The following IFT25 variants were observed in gnomAD, a reference collection of about 807,000 sequenced individuals.
The protein encoded by IFT25 is intraflagellar transport 25, also known as intraflagellar transport protein 25 homolog.
the IFT25 span, among the ~76,000 whole-genome samples, chr1:53,927,483 C>T: frequency 2.6e-5 from 4 of 152,220 alleles, no homozygotes; most frequent in Non-Finnish European, 5.9e-5. Flanking sequence ...TCACTCCCTA[C>T]TATATCTGGT....
At chr1:53,932,428 T>G in the IFT25 span, among the ~76,000 whole-genome samples, 1 of 152,222 alleles carries the variant, frequency 6.6e-6, no homozygotes, top group African/African-American at 2.4e-5. Context: ...TTCTAAGTTT[T>G]GGGGGGTTTT....
At chr1:53,924,180 G>A in the IFT25 span, among the ~76,000 whole-genome samples, 1 of 152,050 alleles carries the variant, frequency 6.6e-6, no homozygotes, top group Non-Finnish European at 1.5e-5. Flanking sequence ...AAAAGGAAAT[G>A]CAAAGGTCAA....
the IFT25 span, among the ~76,000 whole-genome samples, chr1:53,919,668 A>AT: frequency 6.6e-6 from 1 of 152,226 alleles, no homozygotes; most frequent in South Asian, 2.1e-4. Flanking sequence ...TGGTTAATCC[A>AT]TTTTTAATAA....
At chr1:53,919,305 A>T in the IFT25 span, among the ~76,000 whole-genome samples, 1 of 152,266 alleles carries the variant, frequency 6.6e-6, no homozygotes, top group South Asian at 2.1e-4. Context: ...GAAGAAAAAG[A>T]AAACTTTGCA....
the IFT25 span, among the ~76,000 whole-genome samples, chr1:53,945,035 C>G: frequency 2.6e-5 from 4 of 152,148 alleles, no homozygotes; most frequent in African/African-American, 9.7e-5. Flanking sequence ...CGGACCCGGC[C>G]TAAGGCTTCT....
the IFT25 span, among the ~76,000 whole-genome samples, chr1:53,913,504 T>A: frequency 3.9e-5 from 6 of 151,922 alleles, no homozygotes; most frequent in African/African-American, 1.5e-4. Flanking sequence ...GGATGAGGAG[T>A]CAGGTGGCGC....
the IFT25 span, among the ~76,000 whole-genome samples, chr1:53,935,933 T>A: frequency 6.6e-6 from 1 of 152,126 alleles, no homozygotes; most frequent in Non-Finnish European, 1.5e-5. Flanking sequence ...ACATAACCAA[T>A]AGAATAACAT....
At chr1:53,940,374 T>C in the IFT25 span, among the ~76,000 whole-genome samples, 1 of 151,888 alleles carries the variant, frequency 6.6e-6, no homozygotes, top group African/African-American at 2.4e-5. Flanking sequence ...AGGAAGAAGG[T>C]CAACCGAGGA....
chr1:53,930,015 A>T, the IFT25 span: 1 of 1,537,114 alleles, frequency 6.5e-7, no homozygotes, highest in Non-Finnish European at 8.7e-7. Context: ...AAAAAAAAAA[A>T]AAATTAATGT....
At chr1:53,937,651 C>T in the IFT25 span, among the ~76,000 whole-genome samples, 1 of 152,274 alleles carries the variant, frequency 6.6e-6, no homozygotes, top group South Asian at 2.1e-4. Flanking sequence ...TCTTAATGTT[C>T]TATAAACATA....
chr1:53,912,718 G>C, the IFT25 span, among the ~76,000 whole-genome samples: 2 of 152,192 alleles, frequency 1.3e-5, no homozygotes, highest in Non-Finnish European at 1.5e-5. Flanking sequence ...AGAGGTTTGG[G>C]TTCAATTCCA....
At chr1:53,931,456 A>G in the IFT25 span, among the ~76,000 whole-genome samples, 3 of 152,212 alleles carry the variant, frequency 2.0e-5, no homozygotes, top group African/African-American at 4.8e-5. Flanking sequence ...CTCATAAAAC[A>G]ATTTGGGAAA....
At chr1:53,926,316 A>G in the IFT25 span, among the ~76,000 whole-genome samples, 2 of 151,826 alleles carry the variant, frequency 1.3e-5, no homozygotes, top group African/African-American at 4.8e-5. Context: ...TAGCAAATAT[A>G]TATGTATATT....
the IFT25 span, among the ~76,000 whole-genome samples, chr1:53,944,778 T>G: frequency 6.6e-6 from 1 of 151,246 alleles, no homozygotes; most frequent in African/African-American, 2.5e-5. Context: ...TTACAATCCC[T>G]GACCCTGGTA....
chr1:53,918,031 T>C, the IFT25 span, among the ~76,000 whole-genome samples: 84 of 152,264 alleles, frequency 5.5e-4, no homozygotes, highest in African/African-American at 2.0e-3. Flanking sequence ...CATTCTAGAC[T>C]TGTCTATCAG....
chr1:53,937,804 C>T, the IFT25 span, among the ~76,000 whole-genome samples: 2 of 152,184 alleles, frequency 1.3e-5, no homozygotes. Context: ...TAAGGCAAAT[C>T]TCCTCAGTTC....
the IFT25 span, among the ~76,000 whole-genome samples, chr1:53,931,964 CA>C: frequency 1.3e-5 from 2 of 152,054 alleles, no homozygotes; most frequent in Admixed American, 6.5e-5. Context: ...TCCTTTTTAA[CA>C]TAAGTATATA....
chr1:53,917,378 T>C, the IFT25 span, among the ~76,000 whole-genome samples: 361 of 152,326 alleles, frequency 2.4e-3, 3 homozygotes, highest in Non-Finnish European at 3.8e-3. Flanking sequence ...CATAGTTCTA[T>C]ATGCATCTCA....
chr1:53,915,202 C>T, the IFT25 span, among the ~76,000 whole-genome samples: 2 of 152,082 alleles, frequency 1.3e-5, no homozygotes, highest in African/African-American at 4.8e-5. Context: ...TATTCTAAGC[C>T]CTGAGGATAC....
Sources: allele counts gnomAD v4.1 joint callset (sites outside exome capture counted in the v4.1 genomes callset), GRCh38; gene constraint gnomAD v4.1.1; transcripts MANE v1.5; gene names NCBI Gene and HGNC (gene_info 2026-07-23, HGNC 2026-07-21).